Variants in VASH1 observed in about 807,000 individuals in gnomAD.
The protein encoded by VASH1 is vasohibin 1.
In VASH1, 16 loss-of-function variants were observed where a neutral mutation model predicts 35.0. The ratio of observed to expected loss-of-function variants is 0.46; its 90% CI spans 0.31 to 0.70. The LOEUF (loss-of-function observed/expected upper bound fraction) is 0.70, where lower values mean the gene tolerates loss of function less well. Among genes scored for constraint, VASH1 ranks in the 30% least tolerant of loss-of-function variants. The probability of loss-of-function intolerance (pLI) is 0.05; values close to 1 mark genes in which losing one functional copy is unlikely to be tolerated. For synonymous variants in VASH1, 214 were observed against 200.9 expected, an observed-to-expected ratio of 1.07 and a Z score of -0.55; for missense variants, 505 against 510.7, an observed-to-expected ratio of 0.99 and a Z score of 0.11.
rs1393653544 is a variant in VASH1 at position 76,782,137 on chromosome 14, AGCCAGGT to A, written c.*3120_*3126del. The A allele has an allele frequency of 6.6e-6, 1 of 152,208 alleles. No individual in the cohort carries two copies. The highest frequency in any genetic ancestry group is 1.9e-4 in the East Asian group (1 of 5,182). The allele number at this position is 152,208 out of a possible 1,614,324, so 9.4% of individuals were successfully genotyped here. ...CAGTGCCAGGGGCAGAACACTGGGGAGCCAGGTATAGAGAGCCTTCCTGTCATAACTG... is the reference window on the plus strand; with the variant it reads ...CAGTGCCAGGGGCAGAACACTGGGGAATAGAGAGCCTTCCTGTCATAACTG... On this transcript the variant is annotated 3_prime_UTR_variant, in exon 7 of 7. Coordinates refer to ENST00000167106, the MANE Select transcript of VASH1 (RefSeq NM_014909.5).
chr14:76,763,481 T>C (rs778300653), intron 1 of VASH1, among the ~76,000 whole-genome samples: 1 of 152,228 alleles, frequency 6.6e-6, no homozygotes, highest in Non-Finnish European at 1.5e-5. Flanking sequence ...ACAAATGTAA[T>C]GAATGACTAA....
chr14:76,764,705 A>G (rs1189664641), intron 1 of VASH1, among the ~76,000 whole-genome samples: 2 of 122,574 alleles, frequency 1.6e-5, no homozygotes, highest in East Asian at 5.1e-4. Flanking sequence ...TTTTTTTTTG[A>G]GATGGAGTCT....
intron 4 of VASH1, 60 bp from the exon 5 acceptor site, chr14:76,775,832 C>G: frequency 2.7e-6 from 4 of 1,485,548 alleles, no homozygotes; most frequent in Non-Finnish European, 3.6e-6. Flanking sequence ...GGTCCCAGTC[C>G]CTCCCGGTGT....
chr14:76,778,141 C>CTT (rs1194367789), intron 6 of VASH1, 70 bp downstream of exon 6: 97 of 931,412 alleles, frequency 1.0e-4, no homozygotes, highest in South Asian at 1.8e-4. Flanking sequence ...GTGTGGGTCC[C>CTT]TTTTTTTTTT....
At chr14:76,766,048 G>T (rs959384065) in intron 1 of VASH1, among the ~76,000 whole-genome samples, 7 of 152,178 alleles carry the variant, frequency 4.6e-5, no homozygotes, top group African/African-American at 1.7e-4. Context: ...TAATAGCAAT[G>T]CCCATCAAGA....
chr14:76,769,528 G>T, intron 1 of VASH1: 2 of 1,277,516 alleles, frequency 1.6e-6, no homozygotes, highest in East Asian at 5.6e-5. Context: ...AAAGCCTAGG[G>T]CACCACCTGA....
chr14:76,776,334 C>T (rs1265428171), intron 5 of VASH1, 61 bp downstream of exon 5: 16 of 1,471,512 alleles, frequency 1.1e-5, no homozygotes, highest in South Asian at 1.4e-5. Context: ...CCAGCAGAGG[C>T]GATGTGAGGA....
intron 4 of VASH1, 76 bp from the exon 5 acceptor site, chr14:76,775,816 G>T: frequency 6.8e-7 from 1 of 1,472,596 alleles, no homozygotes; most frequent in Non-Finnish European, 9.0e-7. Context: ...GGACCCCGTG[G>T]CTCCCGGTCC....
rs753013264 is a variant in VASH1 at position 76,777,961 on chromosome 14, T to G, written c.915T>G (p.Ile305Met). 7 of 1,516,290 alleles carry G rather than the reference T, an allele frequency of 4.6e-6. No individual in the cohort carries two copies. Among genetic ancestry groups the G allele is most frequent in the Non-Finnish European group, 6.2e-6 (7 of 1,133,448 alleles). The allele number at this position is 1,516,290 out of a possible 1,614,324, so 93.9% of individuals were successfully genotyped here. Residue 305 changes from isoleucine to methionine, a missense_variant and splice_region_variant, in exon 6 of 7, where the codon ATT becomes ATG. Transcript: ENST00000167106. ...GTTGCTTCCTCCTCTGCACCTAGAT[T>G]GGCAAAGGGACGGGCCCTCCCTCTC... ...ERHARDMRLK[I>M]GKGTGPPSPT...
Position 76,769,978 on chromosome 14 carries a change from G to A in VASH1, c.325G>A (p.Val109Met), listed in dbSNP as rs1893746856. ...CTGTCCCCAGATCCCCATACCGAGT[G>A]TGCCTACGTTCCAGCCGTCTACACC... Reference protein sequence around the residue: ...TDLPKIPIPSVPTFQPSTPVP... With the variant: ...TDLPKIPIPSMPTFQPSTPVP... Residue 109 changes from valine (V) to methionine (M), a missense_variant, in exon 2 of 7, where the codon GTG becomes ATG. Physicochemically the swap from Val to Met is conservative, Grantham distance 21 (BLOSUM62 1). Transcript: ENST00000167106. 1.9e-6 allele frequency: 3 copies of A among 1,613,954 alleles called. No individual in the cohort carries two copies. Among genetic ancestry groups the A allele is most frequent in the Non-Finnish European group, 2.5e-6 (3 of 1,179,900 alleles).
At chr14:76,767,267 T>G (rs947900703) in intron 1 of VASH1, among the ~76,000 whole-genome samples, 10 of 150,664 alleles carry the variant, frequency 6.6e-5, no homozygotes, top group African/African-American at 2.2e-4. Context: ...AATAAATAAA[T>G]AAATAAATAA....
At chr14:76,773,848 C>G (rs1893859035) in intron 4 of VASH1, 1 of 151,544 alleles carries the variant, frequency 6.6e-6, no homozygotes, top group African/African-American at 2.5e-5. Flanking sequence ...ATGCCTGAGC[C>G]CTACCTTTTC....
chr14:76,762,964 A>G lies in VASH1; in HGVS notation c.143A>G (p.Glu48Gly), dbSNP rs923026878. The G allele has an allele frequency of 3.8e-6, 6 of 1,558,776 alleles. No individual in the cohort carries two copies. The highest frequency in any genetic ancestry group is 5.2e-6 in the Non-Finnish European group (6 of 1,151,502). Residue 48 changes from glutamate to glycine, a missense_variant, in exon 1 of 7, where the codon GAA (glutamate) becomes GGA (glycine). Physicochemically the swap from Glu to Gly is moderately conservative, Grantham distance 98. Coordinates refer to ENST00000167106, the MANE Select transcript of VASH1 (RefSeq NM_014909.5). ...SAQRDEEPEE[E>G]GEEDLRDGGV... The stretch of plus-strand genomic sequence containing the variant: ...CAGAGAGATGAGGAGCCAGAAGAGG[A>G]AGGGGAAGAGGACCTGCGAGACGGA...
chr14:76,775,766 G>A, intron 4 of VASH1, 126 bp from the exon 5 acceptor site: 3 of 1,371,164 alleles, frequency 2.2e-6, no homozygotes, highest in South Asian at 3.0e-5. Flanking sequence ...GTATGGAGAT[G>A]AGCAGGACTG....
intron 3 of VASH1, among the ~76,000 whole-genome samples, chr14:76,772,777 G>T (rs1336463836): frequency 6.6e-6 from 1 of 152,208 alleles, no homozygotes; most frequent in African/African-American, 2.4e-5. Context: ...CTCCTCCCCC[G>T]ACTGCCTCGC....
chr14:76,768,505 C>T (rs1424789403), intron 1 of VASH1, among the ~76,000 whole-genome samples: 1 of 152,142 alleles, frequency 6.6e-6, no homozygotes, highest in Non-Finnish European at 1.5e-5. Context: ...CCCCTTCCCT[C>T]CTGCGTCTCC....
rs1300783061 is a variant in VASH1, at chr14:76,779,588, C to A, written c.*570C>A. ...CCATTAACCAGGAGCTTGGCACAGGCCACATCTGCCCCAAGAGCATGAGCT... is the reference window on the plus strand; with the variant it reads ...CCATTAACCAGGAGCTTGGCACAGGACACATCTGCCCCAAGAGCATGAGCT... On this transcript the variant is annotated 3_prime_UTR_variant, in exon 7 of 7. Transcript: ENST00000167106. 1 of 636,756 alleles carries A rather than the reference C, an allele frequency of 1.6e-6. No homozygotes were observed. The highest frequency in any genetic ancestry group is 2.8e-6 in the Non-Finnish European group (1 of 354,502). The allele number at this position is 636,756 out of a possible 1,614,324, so 39.4% of individuals were successfully genotyped here. A position where few individuals can be genotyped will look rare whatever the true frequency, so the allele number is the denominator to read the frequency against.
In VASH1 at chr14:76,781,092, G is replaced by A. The variant is rs1894092598; in HGVS notation, c.*2074G>A. ...AGGAAGGGAAGGCAGAACCAGGGAT[G>A]CCTTTGCTGATGAGAGTGCCTGTCA... On this transcript the variant is annotated 3_prime_UTR_variant, in exon 7 of 7. Transcript: ENST00000167106. 2 of 152,564 alleles carry A rather than the reference G, an allele frequency of 1.3e-5. No homozygotes were observed. Among genetic ancestry groups the A allele is most frequent in the African/African-American group, 2.4e-5 (1 of 41,454 alleles). 9.5% of individuals were successfully genotyped at this position (152,564 alleles called of 1,614,324 possible).
chr14:76,774,328 T>A (rs1945393129), intron 4 of VASH1: 1 of 152,250 alleles, frequency 6.6e-6, no homozygotes, highest in African/African-American at 2.4e-5. Context: ...CTGCCCTGTT[T>A]ATGGGGTTCT....
Sources: allele counts gnomAD v4.1 joint callset (sites outside exome capture counted in the v4.1 genomes callset), GRCh38; gene constraint gnomAD v4.1.1; transcripts MANE v1.5; gene names NCBI Gene and HGNC (gene_info 2026-07-23, HGNC 2026-07-21).